Variants in PPP1R1C observed in about 807,000 individuals in gnomAD.
PPP1R1C encodes protein phosphatase 1 regulatory inhibitor subunit 1C.
In PPP1R1C, 15 loss-of-function variants were observed where a neutral mutation model predicts 17.4. The observed-to-expected ratio is 0.86, with a 90% confidence interval of 0.58 to 1.33. The LOEUF (loss-of-function observed/expected upper bound fraction) is 1.33. Ranked by LOEUF, PPP1R1C falls within the 40% of genes most tolerant of loss-of-function variation. The pLI is 0.00. For synonymous variants in PPP1R1C, 35 were observed against 43.1 expected (o/e 0.81, Z 0.73); for missense variants, 143 against 130.0 (o/e 1.10, Z -0.48).
intron 2 of PPP1R1C, among the ~76,000 whole-genome samples, chr2:182,005,000 A>C (rs1685875173): frequency 6.6e-6 from 1 of 152,226 alleles, no homozygotes; most frequent in African/African-American, 2.4e-5. Context: ...AATAGCCCTC[A>C]TTCTAATCTC....
chr2:182,094,652 A>T (rs184960311), intron 4 of PPP1R1C, among the ~76,000 whole-genome samples: 1 of 152,298 alleles, frequency 6.6e-6, no homozygotes, highest in Non-Finnish European at 1.5e-5. Flanking sequence ...CTGTGTTGTG[A>T]TACGATTTTG....
chr2:182,107,048 G>C (rs989694537), intron 4 of PPP1R1C, among the ~76,000 whole-genome samples: 2 of 152,158 alleles, frequency 1.3e-5, no homozygotes, highest in African/African-American at 4.8e-5. Context: ...TTCAAATAAA[G>C]TCACATTTAC....
chr2:182,089,335 G>A (rs1019246687), intron 4 of PPP1R1C, among the ~76,000 whole-genome samples: 8 of 152,112 alleles, frequency 5.3e-5, no homozygotes, highest in African/African-American at 1.9e-4. Context: ...GCTTGGAAAG[G>A]GTAGTAGAAG....
chr2:181,987,066 T>G (rs1487051458), intron 1 of PPP1R1C, among the ~76,000 whole-genome samples: 1 of 152,192 alleles, frequency 6.6e-6, no homozygotes, highest in Non-Finnish European at 1.5e-5. Context: ...GCCAGATAAA[T>G]GTATCCTTGA....
In PPP1R1C at chr2:181,957,223, G is replaced by A. The variant is rs1050869024; in HGVS notation, n.111+2589G>A. Among the ~76,000 whole-genome samples the A allele has an allele frequency of 8.5e-5, 13 of 152,264 alleles. No individual in the cohort carries two copies. Among genetic ancestry groups the A allele is most frequent in the Non-Finnish European group, 1.0e-4 (7 of 68,014 alleles). ...AAAAATACAAAAATTAGCCAGGCAT[G>A]GTAGTGCACCCCTGTAATCCCAGCT... On this transcript the variant is annotated intron_variant and non_coding_transcript_variant, in intron 1 of 5. Coordinates refer to the PPP1R1C transcript ENST00000464264. This position sits in a 1 kb window ranked among gnomAD's most constrained non-coding sequence, Gnocchi z 4.2.
chr2:182,009,369 C>T (rs1239688306), intron 2 of PPP1R1C, among the ~76,000 whole-genome samples: 1 of 152,068 alleles, frequency 6.6e-6, no homozygotes, highest in Non-Finnish European at 1.5e-5. Flanking sequence ...ATTTGCATAC[C>T]TCTGATGATC....
intron 2 of PPP1R1C, among the ~76,000 whole-genome samples, chr2:182,012,622 A>G (rs1479706509): frequency 1.3e-5 from 2 of 152,056 alleles, no homozygotes; most frequent in East Asian, 1.9e-4. Context: ...TATTATTGGC[A>G]AGTAAGGACT....
chr2:182,117,021 T>C (rs1418183342), intron 4 of PPP1R1C, among the ~76,000 whole-genome samples, 186 bp from the exon 5 acceptor site: 1 of 152,202 alleles, frequency 6.6e-6, no homozygotes, highest in African/African-American at 2.4e-5. Context: ...GAAATTCAGC[T>C]GGGTATGTTT....
At chr2:182,108,938 A>C (rs1251265953) in intron 4 of PPP1R1C, among the ~76,000 whole-genome samples, 1 of 151,274 alleles carries the variant, frequency 6.6e-6, no homozygotes, top group Non-Finnish European at 1.5e-5. Flanking sequence ...AAATTGCCAA[A>C]CTCTCTCTCA....
At chr2:182,129,808 A>G (rs1352722197) in exon 6 of PPP1R1C, 2 of 152,128 alleles carry the variant, frequency 1.3e-5, no homozygotes, top group African/African-American at 4.8e-5. Context: ...ATTCTTTCTT[A>G]TACTGTCTTA....
At chr2:181,972,011 A>G (rs1034786862) in intron 1 of PPP1R1C, among the ~76,000 whole-genome samples, 2 of 152,222 alleles carry the variant, frequency 1.3e-5, no homozygotes, top group Admixed American at 6.5e-5. Flanking sequence ...TTCCAGTGAT[A>G]TAAACTTAAA....
rs1427362707 is a variant in PPP1R1C at position 181,967,927 on chromosome 2, C to A, written n.112-7292C>A. Reference sequence around the variant, plus strand: ...AGGGGATTTCTTCATGTTGGTCAAGCTGGTCTCAAACTCCCAATCTCAGGT... The same window carrying A: ...AGGGGATTTCTTCATGTTGGTCAAGATGGTCTCAAACTCCCAATCTCAGGT... On this transcript the variant is annotated intron_variant and non_coding_transcript_variant, in intron 1 of 5. Transcript: ENST00000464264. The surrounding 1 kb of genome is among the most constrained non-coding windows in gnomAD (Gnocchi z 5.5). 6.6e-6 allele frequency among the ~76,000 whole-genome samples: 1 copy of A among 152,174 alleles called. No individual in the cohort carries two copies. The highest frequency in any genetic ancestry group is 1.5e-5 in the Non-Finnish European group (1 of 68,030).
chr2:182,130,247 C>T (rs1553515501), downstream of PPP1R1C: 1 of 152,082 alleles, frequency 6.6e-6, no homozygotes, highest in Non-Finnish European at 1.5e-5. Context: ...GATTTAAGTA[C>T]TAACTTTTAC....
At chr2:182,008,316 TA>T (rs1215174605) in intron 2 of PPP1R1C, among the ~76,000 whole-genome samples, 1 of 152,104 alleles carries the variant, frequency 6.6e-6, no homozygotes, top group Non-Finnish European at 1.5e-5. Context: ...TTCACTGTTT[TA>T]AAATAATGTT....
intron 2 of PPP1R1C, among the ~76,000 whole-genome samples, chr2:182,029,098 A>G (rs1253135860): frequency 7.2e-6 from 1 of 139,490 alleles, no homozygotes; most frequent in Non-Finnish European, 1.6e-5. Flanking sequence ...TTTTGAGCCT[A>G]TGTGTGTCTC....
chr2:182,023,778 G>A (rs749987589), intron 2 of PPP1R1C: 1 of 151,908 alleles, frequency 6.6e-6, no homozygotes, highest in Non-Finnish European at 1.5e-5. Flanking sequence ...GCACCATCAT[G>A]CCTGGCTAAT....
At chr2:182,033,303 C>T (rs912072119) in intron 2 of PPP1R1C, among the ~76,000 whole-genome samples, 15 of 152,136 alleles carry the variant, frequency 9.9e-5, no homozygotes, top group African/African-American at 3.1e-4. Flanking sequence ...ATTTTATTTA[C>T]TCTCATAGTC....
intron 2 of PPP1R1C, among the ~76,000 whole-genome samples, chr2:182,033,710 A>C (rs1686914331): frequency 6.6e-6 from 1 of 152,168 alleles, no homozygotes; most frequent in South Asian, 2.1e-4. Flanking sequence ...CTTAAAATAC[A>C]CATCTGACCA....
chr2:181,958,228 C>T (rs1387134144), intron 1 of PPP1R1C, among the ~76,000 whole-genome samples: 3 of 152,174 alleles, frequency 2.0e-5, no homozygotes, highest in East Asian at 1.9e-4. Context: ...TTTCTCAGCC[C>T]GATCCTGCAG....
Sources: allele counts gnomAD v4.1 joint callset (sites outside exome capture counted in the v4.1 genomes callset), GRCh38; gene constraint gnomAD v4.1.1; non-coding constraint Gnocchi (gnomAD v3.1); transcripts MANE v1.5; gene names NCBI Gene and HGNC (gene_info 2026-07-23, HGNC 2026-07-21).